The following APBA2 variants were observed in gnomAD, a reference collection of about 807,000 sequenced individuals.
APBA2 encodes the protein amyloid beta precursor protein binding family A member 2.
Under a neutral mutation model 75.0 loss-of-function variants are expected in APBA2, and 30 were observed. The ratio of observed to expected loss-of-function variants is 0.40; its 90% CI spans 0.30 to 0.54. The LOEUF (loss-of-function observed/expected upper bound fraction) is 0.54, where lower values mean the gene tolerates loss of function less well. Ranked by LOEUF, APBA2 falls within the 20% of genes least tolerant of loss-of-function variation. The pLI, the probability that APBA2 is intolerant of heterozygous loss-of-function variation, is 0.49. For synonymous variants in APBA2, 444 were observed against 409.6 expected, an observed-to-expected ratio of 1.08 and a Z score of -1.01; for missense variants, 801 against 1,016.1, an observed-to-expected ratio of 0.79 and a Z score of 2.88.
At chr15:29,076,003 G>A (rs1193413352) in intron 5 of APBA2, 52 bp from the exon 6 acceptor site, 6 of 1,549,138 alleles carry the variant, frequency 3.9e-6, no homozygotes, top group Middle Eastern at 1.7e-4. Context: ...CACCTTGTGG[G>A]CTACCTACTT....
chr15:28,925,993 C>T (rs1433867091), intron 2 of APBA2, among the ~76,000 whole-genome samples: 3 of 152,126 alleles, frequency 2.0e-5, no homozygotes, highest in African/African-American at 7.2e-5. Flanking sequence ...AATAATGGTA[C>T]TCCAACTTAC....
chr15:29,105,068 C>T (rs1305357091), intron 10 of APBA2, among the ~76,000 whole-genome samples: 3 of 152,230 alleles, frequency 2.0e-5, no homozygotes, highest in Non-Finnish European at 4.4e-5. Context: ...TTGTCCCAGA[C>T]TTTCTTTGAA....
chr15:29,051,728 A>C (rs547087539), intron 3 of APBA2, among the ~76,000 whole-genome samples: 1 of 152,278 alleles, frequency 6.6e-6, no homozygotes, highest in South Asian at 2.1e-4. Context: ...GGGGATACAC[A>C]ATATGGAAGG....
At chr15:29,066,772 C>A (rs2042397162) in intron 4 of APBA2, among the ~76,000 whole-genome samples, 1 of 152,296 alleles carries the variant, frequency 6.6e-6, no homozygotes, top group East Asian at 1.9e-4. Context: ...CAGTGAATAA[C>A]TGGTTTGAAC....
intron 3 of APBA2, among the ~76,000 whole-genome samples, chr15:29,025,885 A>T (rs1009208597): frequency 1.7e-4 from 26 of 150,456 alleles, no homozygotes; most frequent in Admixed American, 1.3e-3. Flanking sequence ...CGGGAGGCAG[A>T]GGTTGCAGTG....
At chr15:29,003,363 C>A (rs1207099529) in intron 3 of APBA2, among the ~76,000 whole-genome samples, 2 of 152,192 alleles carry the variant, frequency 1.3e-5, no homozygotes, top group African/African-American at 4.8e-5. Flanking sequence ...GGAGATAGCG[C>A]TTCAAAAGCT....
intron 8 of APBA2, 132 bp from the exon 9 acceptor site, chr15:29,098,358 A>T: frequency 2.8e-6 from 2 of 722,298 alleles, no homozygotes; most frequent in South Asian, 3.0e-5. Flanking sequence ...ATATGAAATG[A>T]TATATTGTTG....
At position 29,045,103 on chromosome 15, in the gene APBA2, C is replaced by CTCTCTCTCTCTCTCTCTT. The variant is rs57446098; in HGVS notation, c.-40-8742_-40-8741insTCTCTCTCTCTCTCTCTT. On this transcript the variant is annotated intron_variant, in intron 3 of 14. Transcript: ENST00000683413. ...TCTCTCTCTCTCTCTCTCTCTCTCTCGTCTCGCACTGTCACCTGGGCTGGA... is the reference window on the plus strand; with the variant it reads ...TCTCTCTCTCTCTCTCTCTCTCTCTCTCTCTCTCTCTCTCTCTTGTCTCGCACTGTCACCTGGGCTGGA... Among the ~76,000 whole-genome samples, 1,056 of 140,332 alleles carry CTCTCTCTCTCTCTCTCTT rather than the reference C, an allele frequency of 7.5e-3. 61 individuals carry two copies. The East Asian group carries it at 0.077, about 10-fold the overall frequency. The allele number at this position is 140,332 out of a possible 152,430, so 92.1% of individuals were successfully genotyped here.
At chr15:29,092,519 G>A (rs887089758) in intron 6 of APBA2, among the ~76,000 whole-genome samples, 2 of 152,194 alleles carry the variant, frequency 1.3e-5, no homozygotes, top group Admixed American at 1.3e-4. Context: ...CAGGAAGTTT[G>A]TTGGGTCACG....
At chr15:29,112,228 C>A (rs1297723480) in intron 13 of APBA2, among the ~76,000 whole-genome samples, 3 of 152,340 alleles carry the variant, frequency 2.0e-5, no homozygotes, top group East Asian at 3.9e-4. Context: ...GCCTGGCCAC[C>A]TGGGGAGCAT....
intron 4 of APBA2, among the ~76,000 whole-genome samples, chr15:29,069,957 G>T (rs1337558557): frequency 6.6e-6 from 1 of 152,256 alleles, no homozygotes; most frequent in Non-Finnish European, 1.5e-5. Context: ...TGGAGGACGT[G>T]TGCAGGTGGC....
chr15:28,914,726 G>A (rs2033586757), intron 1 of APBA2, among the ~76,000 whole-genome samples: 1 of 152,028 alleles, frequency 6.6e-6, no homozygotes, highest in African/African-American at 2.4e-5. Flanking sequence ...CAGCCCCTTT[G>A]TGAGAGCTGC....
chr15:28,901,795 C>T (rs961977599), intron 1 of APBA2, among the ~76,000 whole-genome samples: 1 of 152,114 alleles, frequency 6.6e-6, no homozygotes, highest in African/African-American at 2.4e-5. Context: ...GGGTTAGGGA[C>T]GTCTCAGGAG....
At chr15:29,092,820 C>T (rs527894000) in intron 6 of APBA2, among the ~76,000 whole-genome samples, 2 of 152,324 alleles carry the variant, frequency 1.3e-5, no homozygotes, top group South Asian at 4.1e-4. Flanking sequence ...AACTGGAATG[C>T]TGGCATTGTC....
chr15:29,093,336 C>G, intron 7 of APBA2, 116 bp downstream of exon 7: 1 of 1,456,312 alleles, frequency 6.9e-7, no homozygotes, highest in Non-Finnish European at 9.4e-7. Context: ...GCCCTCAGCA[C>G]AGGGGGCAGG....
At chr15:29,100,495 G>A (rs548238085) in intron 9 of APBA2, among the ~76,000 whole-genome samples, 2 of 152,232 alleles carry the variant, frequency 1.3e-5, no homozygotes, top group Admixed American at 1.3e-4. Flanking sequence ...AGCTTTGTGT[G>A]CAGTCTTGTT....
chr15:28,988,912 G>T (rs774481347), intron 2 of APBA2, among the ~76,000 whole-genome samples: 1 of 152,198 alleles, frequency 6.6e-6, no homozygotes, highest in Non-Finnish European at 1.5e-5. Flanking sequence ...TGGTCCCACT[G>T]ACAGCGTATG....
intron 3 of APBA2, among the ~76,000 whole-genome samples, chr15:28,999,762 G>A (rs73370658): frequency 0.12 from 18,245 of 152,120 alleles, 1,550 homozygotes; most frequent in East Asian, 0.27. Context: ...TTTATGTATC[G>A]ATCAATCGAT....
intron 1 of APBA2, among the ~76,000 whole-genome samples, chr15:28,914,359 A>G (rs2033571210): frequency 6.6e-6 from 1 of 152,212 alleles, no homozygotes; most frequent in Admixed American, 6.5e-5. Context: ...ATCTGTATAT[A>G]CAAAAATACT....
Sources: allele counts gnomAD v4.1 joint callset (sites outside exome capture counted in the v4.1 genomes callset), GRCh38; gene constraint gnomAD v4.1.1; transcripts MANE v1.5; gene names NCBI Gene and HGNC (gene_info 2026-07-23, HGNC 2026-07-21).